The following NLGN4X variants were observed in gnomAD, a reference collection of about 807,000 sequenced individuals.
NLGN4X encodes the protein neuroligin 4 X-linked, also known as neuroligin-4, X-linked.
In NLGN4X, 3 loss-of-function variants were observed where a neutral mutation model predicts 40.3. That is an observed-to-expected ratio of 0.07 (90% CI 0.03 to 0.19). The LOEUF is 0.19. Ranked by LOEUF, NLGN4X falls within the 10% of genes least tolerant of loss-of-function variation. The pLI is 1.00. For synonymous variants in NLGN4X, 270 were observed against 306.8 expected, an observed-to-expected ratio of 0.88 and a Z score of 1.25; for missense variants, 382 against 708.3, an observed-to-expected ratio of 0.54 and a Z score of 5.23.
chrX:6,227,531 T>C (rs912856919), intron 1 of NLGN4X, among the ~76,000 whole-genome samples: 1 of 106,179 alleles, frequency 9.4e-6, no homozygotes, highest in Non-Finnish European at 1.9e-5. Context: ...CCCTCAAAGG[T>C]TCAGACTACA....
intron 3 of NLGN4X, among the ~76,000 whole-genome samples, chrX:5,968,438 C>CCT (rs758256758): frequency 0.019 from 277 of 14,970 alleles, 3 homozygotes; most frequent in Middle Eastern, 0.04. Context: ...TGTAAGTACC[C>CCT]CTCTCTCTCT....
chrX:6,142,449 T>G (rs2039968057), intron 2 of NLGN4X, among the ~76,000 whole-genome samples: 1 of 112,607 alleles, frequency 8.9e-6, no homozygotes, highest in African/African-American at 3.2e-5. Context: ...GATCTTTATT[T>G]AATAATCTTT....
intron 2 of NLGN4X, among the ~76,000 whole-genome samples, chrX:6,046,107 A>C (rs1185556912): frequency 8.9e-6 from 1 of 112,181 alleles, no homozygotes; most frequent in Non-Finnish European, 1.9e-5. Flanking sequence ...AACTCTAAGA[A>C]GTGTACAGCA....
intron 3 of NLGN4X, among the ~76,000 whole-genome samples, chrX:5,972,803 C>T (rs2035065121): frequency 9.1e-6 from 1 of 109,741 alleles, no homozygotes; most frequent in South Asian, 4.0e-4. Flanking sequence ...AAGCCAGGAG[C>T]TTCAAGAGTG....
intron 3 of NLGN4X, among the ~76,000 whole-genome samples, chrX:5,965,306 A>G (rs1222038755): frequency 8.9e-6 from 1 of 111,957 alleles, no homozygotes; most frequent in Admixed American, 9.5e-5. Context: ...CCCACATGAG[A>G]CAAGAAGTCG....
At chrX:6,114,554 ACAC>A (rs2039230602) in intron 2 of NLGN4X, among the ~76,000 whole-genome samples, 2 of 109,914 alleles carry the variant, frequency 1.8e-5, no homozygotes, top group Non-Finnish European at 3.8e-5. Context: ...ACACACACAC[ACAC>A]ACAAACATGC....
At chrX:6,160,470 A>G (rs2040360741) in intron 1 of NLGN4X, among the ~76,000 whole-genome samples, 1 of 111,179 alleles carries the variant, frequency 9.0e-6, no homozygotes, top group South Asian at 3.8e-4. Context: ...CCTCATATAT[A>G]AGAGGAGTTG....
chrX:6,055,085 C>T (rs1368207100), intron 2 of NLGN4X, among the ~76,000 whole-genome samples: 1 of 112,201 alleles, frequency 8.9e-6, no homozygotes, highest in Non-Finnish European at 1.9e-5. Flanking sequence ...TTTCCAATTG[C>T]CAGCAACCGT....
intron 3 of NLGN4X, among the ~76,000 whole-genome samples, chrX:5,941,380 T>C (rs2033942123): frequency 9.0e-6 from 1 of 111,446 alleles, no homozygotes; most frequent in South Asian, 3.7e-4. Context: ...AGATTGCTTC[T>C]GACAACTGAA....
At chrX:5,921,792 T>A (rs1208451663) in intron 3 of NLGN4X, among the ~76,000 whole-genome samples, 1 of 112,018 alleles carries the variant, frequency 8.9e-6, no homozygotes, top group African/African-American at 3.2e-5. Flanking sequence ...GGCAGATGCA[T>A]TGGGCAGCGG....
At chrX:6,169,967 T>G (rs1198333981) in intron 1 of NLGN4X, among the ~76,000 whole-genome samples, 2 of 111,526 alleles carry the variant, frequency 1.8e-5, no homozygotes, top group African/African-American at 6.5e-5. Context: ...TAGTAGTTTA[T>G]TACTGAAACC....
At chrX:6,024,117 C>A (rs761389865) in intron 3 of NLGN4X, among the ~76,000 whole-genome samples, 2 of 111,836 alleles carry the variant, frequency 1.8e-5, no homozygotes, top group Non-Finnish European at 3.8e-5. Flanking sequence ...ATCAGATTAT[C>A]CTCTGCAGTT....
At chrX:6,046,005 T>C (rs1281433455) in intron 2 of NLGN4X, among the ~76,000 whole-genome samples, 1 of 112,064 alleles carries the variant, frequency 8.9e-6, no homozygotes, top group African/African-American at 3.2e-5. Flanking sequence ...TTTAGAATTG[T>C]ATAAAATTAA....
At chrX:5,898,081 CCT>C (rs1450415559) in intron 5 of NLGN4X, among the ~76,000 whole-genome samples, 7 of 93,868 alleles carry the variant, frequency 7.5e-5, no homozygotes, top group South Asian at 6.4e-4. Flanking sequence ...TTCCTTCCTT[CCT>C]CTCTTCTTTC....
In NLGN4X at chrX:6,077,310, G is replaced by GGT. The variant is rs57429713; in HGVS notation, c.473-47880_473-47879dup. On this transcript the variant is annotated intron_variant, in intron 2 of 5. Coordinates refer to ENST00000381095, the MANE Select transcript of NLGN4X (RefSeq NM_181332.3). Reference sequence around the variant, plus strand: ...TGTGTGTGTGTCTGTGTGTGTGTGTGGTGTGTGTGTGTGTGTGACAGGGTC... The same window carrying GGT: ...TGTGTGTGTGTCTGTGTGTGTGTGTGGTGTGTGTGTGTGTGTGTGACAGGGTC... Among the ~76,000 whole-genome samples, 692 of 102,521 alleles carry GGT rather than the reference G, an allele frequency of 6.7e-3. 2 individuals are homozygous for GGT. The highest frequency in any genetic ancestry group is 9.1e-3 in the Non-Finnish European group (455 of 49,787). The allele number at this position is 102,521 out of a possible 115,157, so 89.0% of individuals were successfully genotyped here. A position where few individuals can be genotyped will look rare whatever the true frequency, so the allele number is the denominator to read the frequency against.
chrX:6,044,509 T>C (rs142686313), intron 2 of NLGN4X, among the ~76,000 whole-genome samples: 73 of 112,037 alleles, frequency 6.5e-4, no homozygotes, highest in African/African-American at 2.3e-3. Flanking sequence ...TACAAACTGC[T>C]AAAATTGTGG....
intron 3 of NLGN4X, among the ~76,000 whole-genome samples, chrX:6,020,897 G>A (rs970045605): frequency 3.6e-5 from 4 of 109,881 alleles, no homozygotes; most frequent in African/African-American, 9.9e-5. Flanking sequence ...CTGCAGCCTC[G>A]AACTCCTAGG....
chrX:6,225,689 C>CTTTTTTTTTTTTTTTTTTT lies in NLGN4X; in HGVS notation c.-306+2833_-306+2851dup, dbSNP rs749574818. ...TTTCCTTTTTTTTCTTTCTTTTTTTCTTTTTTTTTTTTTTTTTTTTTTTTT... is the reference window on the plus strand; with the variant it reads ...TTTCCTTTTTTTTCTTTCTTTTTTTCTTTTTTTTTTTTTTTTTTTTTTTTTTTTTTTTTTTTTTTTTTTT... On this transcript the variant is annotated intron_variant, in intron 1 of 5. Coordinates refer to ENST00000381095, the MANE Select transcript of NLGN4X (RefSeq NM_181332.3). Among the ~76,000 whole-genome samples the CTTTTTTTTTTTTTTTTTTT allele has an allele frequency of 1.5e-3, 40 of 26,917 alleles. 1 individual carries two copies. Among genetic ancestry groups the CTTTTTTTTTTTTTTTTTTT allele is most frequent in the Admixed American group, 2.8e-3 (4 of 1,433 alleles). The allele number at this position is 26,917 out of a possible 115,157, so 23.4% of individuals were successfully genotyped here. A position where few individuals can be genotyped will look rare whatever the true frequency, so the allele number is the denominator to read the frequency against.
intron 2 of NLGN4X, among the ~76,000 whole-genome samples, chrX:6,099,090 T>C (rs1176849722): frequency 8.9e-6 from 1 of 112,102 alleles, no homozygotes; most frequent in African/African-American, 3.2e-5. Context: ...AAATGTCCCC[T>C]GAGGCAAAAT....
Sources: gnomAD v4.1 joint callset for allele counts (sites outside exome capture counted in the v4.1 genomes callset) on GRCh38, gnomAD v4.1.1 for gene constraint, MANE v1.5 for transcripts, NCBI Gene and HGNC (gene_info 2026-07-23, HGNC 2026-07-21) for gene names.